The following SLC8A1 variants were observed in gnomAD, a reference collection of about 807,000 sequenced individuals.
SLC8A1 encodes the protein solute carrier family 8 member A1, also known as sodium/calcium exchanger 1.
Under a neutral mutation model 68.3 loss-of-function variants are expected in SLC8A1, and 18 were observed. The observed-to-expected ratio is 0.26, with a 90% CI of 0.18 to 0.39. SLC8A1 has a LOEUF of 0.39. SLC8A1 is among the 10% of genes least tolerant of loss of function. The pLI is 1.00. For synonymous variants in SLC8A1, 475 were observed against 415.5 expected (o/e 1.14, Z -1.74); for missense variants, 985 against 1,156.7 (o/e 0.85, Z 2.15).
intron 2 of SLC8A1, among the ~76,000 whole-genome samples, chr2:40,200,206 A>T (rs1456664265): frequency 8.0e-4 from 10 of 12,468 alleles, no homozygotes; most frequent in Non-Finnish European, 1.1e-3. Context: ...ATATATATAT[A>T]AATATATATA....
chr2:40,401,109 A>G (rs115412858), intron 2 of SLC8A1, among the ~76,000 whole-genome samples: 2 of 152,158 alleles, frequency 1.3e-5, no homozygotes, highest in African/African-American at 4.8e-5. Context: ...AGAAATCATC[A>G]CCCAGAAATA....
chr2:40,447,207 A>C (rs940431819), intron 1 of SLC8A1, among the ~76,000 whole-genome samples: 2 of 152,230 alleles, frequency 1.3e-5, no homozygotes, highest in Non-Finnish European at 2.9e-5. Context: ...GCATTAATAC[A>C]TATTGCAGAA....
intron 2 of SLC8A1, among the ~76,000 whole-genome samples, chr2:40,411,610 A>G (rs904641276): frequency 6.6e-6 from 1 of 152,022 alleles, no homozygotes; most frequent in African/African-American, 2.4e-5. Flanking sequence ...AAACAAAAAC[A>G]ATGTCAAAAC....
chr2:40,399,964 T>A (rs1258370935), intron 2 of SLC8A1, among the ~76,000 whole-genome samples: 3 of 152,210 alleles, frequency 2.0e-5, no homozygotes, highest in African/African-American at 7.2e-5. Context: ...TAATCGGTTA[T>A]TTTACCTATA....
At chr2:40,135,035 T>G (rs1341472519) in intron 7 of SLC8A1, among the ~76,000 whole-genome samples, 1 of 152,052 alleles carries the variant, frequency 6.6e-6, no homozygotes, top group Non-Finnish European at 1.5e-5. Context: ...CAGTCTTGTG[T>G]AAATGAAGGG....
At chr2:40,460,545 G>C (rs1198097717) in intron 1 of SLC8A1, among the ~76,000 whole-genome samples, 7 of 151,684 alleles carry the variant, frequency 4.6e-5, no homozygotes, top group Non-Finnish European at 1.0e-4. Flanking sequence ...TAGGAATTTA[G>C]ACTTATAGGT....
chr2:40,500,585 C>G (rs1025751226), intron 1 of SLC8A1, among the ~76,000 whole-genome samples: 2 of 151,888 alleles, frequency 1.3e-5, no homozygotes, highest in African/African-American at 2.4e-5. Flanking sequence ...ATTTTAGCAG[C>G]CATTATTTGA....
At chr2:40,103,582 T>A (rs2034025683) in exon 8 of SLC8A1, 1 of 152,186 alleles carries the variant, frequency 6.6e-6, no homozygotes, top group Non-Finnish European at 1.5e-5. Context: ...CCTAAAAGAT[T>A]AAGCACACTG....
chr2:40,362,702 G>C (rs774315709), intron 2 of SLC8A1, among the ~76,000 whole-genome samples: 1 of 151,960 alleles, frequency 6.6e-6, no homozygotes, highest in Non-Finnish European at 1.5e-5. Context: ...ATAAATTTTG[G>C]TAAGTTTATA....
chr2:40,477,246 A>C (rs1037323220), intron 1 of SLC8A1, among the ~76,000 whole-genome samples: 4 of 152,204 alleles, frequency 2.6e-5, no homozygotes, highest in Non-Finnish European at 5.9e-5. Flanking sequence ...TGATATCTGA[A>C]GAAAACACTG....
intron 1 of SLC8A1, among the ~76,000 whole-genome samples, chr2:40,469,542 CAG>C (rs1703888938): frequency 6.6e-6 from 1 of 152,098 alleles, no homozygotes; most frequent in South Asian, 2.1e-4. Context: ...AATGTGAAAA[CAG>C]AATAATACAC....
chr2:40,141,539 G>A (rs1417886820), intron 6 of SLC8A1, among the ~76,000 whole-genome samples: 1 of 152,178 alleles, frequency 6.6e-6, no homozygotes, highest in Admixed American at 6.5e-5. Flanking sequence ...CCCCAGTGAG[G>A]AGCTTGAGTC....
exon 8 of SLC8A1, chr2:40,100,102 T>A (rs991773468): frequency 5.3e-5 from 8 of 152,130 alleles, no homozygotes; most frequent in African/African-American, 1.9e-4. Flanking sequence ...ATTGTACCAC[T>A]GACCTACGAA....
At chr2:40,339,098 A>C (rs1395568255) in intron 2 of SLC8A1, among the ~76,000 whole-genome samples, 1 of 152,106 alleles carries the variant, frequency 6.6e-6, no homozygotes. Context: ...TCAAGAACCA[A>C]GATGATTGAT....
intron 2 of SLC8A1, among the ~76,000 whole-genome samples, chr2:40,367,701 T>C (rs1182255140): frequency 6.6e-6 from 1 of 151,976 alleles, no homozygotes; most frequent in Non-Finnish European, 1.5e-5. Context: ...CAAAATGGAA[T>C]CTAATACTCA....
At chr2:40,155,634 C>A (rs1051914032) in intron 6 of SLC8A1, among the ~76,000 whole-genome samples, 6 of 152,162 alleles carry the variant, frequency 3.9e-5, no homozygotes, top group African/African-American at 1.4e-4. Flanking sequence ...GTAGATTAGC[C>A]TTCAGGCTGA....
At chr2:40,365,299 C>G (rs189249348) in intron 2 of SLC8A1, among the ~76,000 whole-genome samples, 3 of 152,090 alleles carry the variant, frequency 2.0e-5, no homozygotes, top group Admixed American at 1.3e-4. Context: ...TATACATTGA[C>G]ATATCATATT....
intron 2 of SLC8A1, among the ~76,000 whole-genome samples, chr2:40,215,465 G>A (rs2057317179): frequency 6.6e-6 from 1 of 151,608 alleles, no homozygotes; most frequent in African/African-American, 2.4e-5. Flanking sequence ...GTGAAACCCC[G>A]TCTCTACTAA....
At chr2:40,156,788 G>A (rs2044611069) in intron 6 of SLC8A1, among the ~76,000 whole-genome samples, 1 of 152,154 alleles carries the variant, frequency 6.6e-6, no homozygotes, top group East Asian at 1.9e-4. Flanking sequence ...GTCTTTGTAT[G>A]TGTGTATGCC....
Sources: gnomAD v4.1 joint callset for allele counts (sites outside exome capture counted in the v4.1 genomes callset) on GRCh38, gnomAD v4.1.1 for gene constraint, MANE v1.5 for transcripts, NCBI Gene and HGNC (gene_info 2026-07-23, HGNC 2026-07-21) for gene names.